ACO2: variants seen among roughly 807,000 people sequenced by gnomAD.
ACO2 encodes aconitase 2.
A neutral mutation model predicts 84.5 loss-of-function variants in ACO2; 31 were observed. The observed-to-expected ratio is 0.37, with a 90% CI of 0.28 to 0.50. ACO2 has a LOEUF of 0.50. Ranked by LOEUF, ACO2 falls within the 20% of genes least tolerant of loss-of-function variation. ACO2 has a pLI of 0.97. For synonymous variants in ACO2, 414 were observed against 412.7 expected, an observed-to-expected ratio of 1.00 and a Z score of -0.04; for missense variants, 685 against 1,029.3, an observed-to-expected ratio of 0.67 and a Z score of 4.58.
chr22:41,483,867 C>G (rs887989793), intron 1 of ACO2, among the ~76,000 whole-genome samples: 2 of 152,080 alleles, frequency 1.3e-5, no homozygotes, highest in African/African-American at 4.8e-5. Context: ...AAGAATCCAA[C>G]TCAAGAGGAG....
At chr22:41,492,844 T>C (rs373162971) in intron 1 of ACO2, among the ~76,000 whole-genome samples, 2 of 152,310 alleles carry the variant, frequency 1.3e-5, no homozygotes, top group South Asian at 2.1e-4. Flanking sequence ...CTCAGGAGGC[T>C]GAGGCGGAAG....
chr22:41,484,627 T>TATTC (rs2038129530), intron 1 of ACO2, among the ~76,000 whole-genome samples: 2 of 152,026 alleles, frequency 1.3e-5, no homozygotes, highest in African/African-American at 4.8e-5. Flanking sequence ...TCCTCCTGCC[T>TATTC]CAGCCTCTCA....
chr22:41,518,644 A>T (rs2066494894), intron 8 of ACO2, 72 bp downstream of exon 8: 6 of 1,207,546 alleles, frequency 5.0e-6, no homozygotes, highest in South Asian at 3.6e-5. Context: ...CTGCCTAAAT[A>T]CTCACTGAGG....
At chr22:41,492,883 G>T (rs2066282508) in intron 1 of ACO2, among the ~76,000 whole-genome samples, 1 of 152,184 alleles carries the variant, frequency 6.6e-6, no homozygotes, top group Non-Finnish European at 1.5e-5. Flanking sequence ...GGCGGAGGTT[G>T]CAGTGAGACG....
At chr22:41,476,156 C>G (rs1269650088) in intron 1 of ACO2, among the ~76,000 whole-genome samples, 1 of 152,092 alleles carries the variant, frequency 6.6e-6, no homozygotes, top group African/African-American at 2.4e-5. Context: ...GCCTGTAATC[C>G]CAGCACTTTG....
intron 2 of ACO2, among the ~76,000 whole-genome samples, 156 bp downstream of exon 2, chr22:41,500,018 C>T (rs1220789698): frequency 6.6e-6 from 1 of 152,128 alleles, no homozygotes; most frequent in African/African-American, 2.4e-5. Context: ...AAAGGCATTC[C>T]AGATCAGTGG....
chr22:41,509,025 G>A (rs977659830), intron 3 of ACO2, among the ~76,000 whole-genome samples: 7 of 152,182 alleles, frequency 4.6e-5, no homozygotes, highest in African/African-American at 1.7e-4. Flanking sequence ...CTCCACAGTG[G>A]CTCTTTCCCC....
chr22:41,521,752 A>G (rs1343333649), intron 9 of ACO2, among the ~76,000 whole-genome samples: 2 of 151,700 alleles, frequency 1.3e-5, no homozygotes. Context: ...GGCTGGTTAT[A>G]TGGGCTTTTG....
intron 1 of ACO2, among the ~76,000 whole-genome samples, chr22:41,473,160 G>A (rs1330461561): frequency 6.6e-6 from 1 of 152,104 alleles, no homozygotes; most frequent in Non-Finnish European, 1.5e-5. Context: ...ACCATCCTGA[G>A]GATTAAGGGA....
intron 2 of ACO2, among the ~76,000 whole-genome samples, chr22:41,507,043 C>G (rs1228359980): frequency 6.6e-6 from 1 of 151,278 alleles, no homozygotes; most frequent in Non-Finnish European, 1.5e-5. Context: ...GACCCCAGGG[C>G]AGGTTTGGAC....
Position 41,508,069 on chromosome 22 carries a change from G to C in ACO2, c.432+20G>C. 6.3e-7 allele frequency: 1 copy of C among 1,599,108 alleles called. No homozygotes were observed. The highest frequency in any genetic ancestry group is 1.1e-5 in the South Asian group (1 of 89,894). ...GCCAAGGTGAGCAGAAGGTGGCTTTGGGGGTGGGCAAGTGGGCAAGACTGG... is the reference window on the plus strand; with the variant it reads ...GCCAAGGTGAGCAGAAGGTGGCTTTCGGGGTGGGCAAGTGGGCAAGACTGG... On this transcript the variant is annotated intron_variant, in intron 3 of 17. Coordinates refer to ENST00000216254, the MANE Select transcript of ACO2 (RefSeq NM_001098.3).
At chr22:41,474,684 C>T (rs1226221543) in intron 1 of ACO2, among the ~76,000 whole-genome samples, 11 of 137,392 alleles carry the variant, frequency 8.0e-5, no homozygotes, top group Middle Eastern at 5.1e-3. Flanking sequence ...CTGCAAGCTC[C>T]GCCTCCCAGG....
In ACO2 at chr22:41,515,304, C is replaced by CG; in HGVS notation, c.526-70dup. ...GTGGCTGGACGTGGTTGGGAGGCCCCGGGTCAGTGGGGCCATTTTTTGGTA... is the reference window on the plus strand; with the variant it reads ...GTGGCTGGACGTGGTTGGGAGGCCCCGGGGTCAGTGGGGCCATTTTTTGGTA... On this transcript the variant is annotated intron_variant, in intron 4 of 17. Transcript: ENST00000216254. The surrounding 1 kb of genome is among the most constrained non-coding windows in gnomAD (Gnocchi z 5.8). The CG allele has an allele frequency of 6.3e-7, 1 of 1,584,846 alleles. No individual in the cohort carries two copies. The highest frequency in any genetic ancestry group is 2.3e-4 in the Middle Eastern group (1 of 4,350).
intron 1 of ACO2, among the ~76,000 whole-genome samples, chr22:41,477,311 G>C (rs1405217049): frequency 6.6e-6 from 1 of 151,112 alleles, no homozygotes; most frequent in African/African-American, 2.4e-5. Context: ...CCGCCACCAC[G>C]CCCAGCTAAT....
rs781334712 is a variant in ACO2 at position 41,511,859 on chromosome 22, T to C, written c.433-17T>C. 1.1e-5 allele frequency: 17 copies of C among 1,588,532 alleles called. No homozygotes were observed. The Admixed American group carries it at 1.2e-4, about 11-fold the overall frequency. On this transcript the variant is annotated splice_polypyrimidine_tract_variant and intron_variant, in intron 3 of 17. Coordinates refer to ENST00000216254, the MANE Select transcript of ACO2 (RefSeq NM_001098.3). ...AAACCATGTTGCTAACGCCCAATTATTGATTTGTCTCAATAGGACATCAAC... is the reference window on the plus strand; with the variant it reads ...AAACCATGTTGCTAACGCCCAATTACTGATTTGTCTCAATAGGACATCAAC...
chr22:41,520,052 A>T, intron 8 of ACO2, 119 bp from the exon 9 acceptor site: 1 of 798,144 alleles, frequency 1.3e-6, no homozygotes, highest in Non-Finnish European at 2.0e-6. Context: ...ATGAGGTTTC[A>T]GTCAAGAGAA....
chr22:41,513,920 A>ATGTGGGCCACAAGTGTCTACACCG (rs1569016434), intron 4 of ACO2, among the ~76,000 whole-genome samples: 10 of 151,474 alleles, frequency 6.6e-5, no homozygotes, highest in Non-Finnish European at 1.0e-4. Context: ...CTCCCCCTGG[A>ATGTGGGCCACAAGTGTCTACACCG]TGTGGACCAC....
rs545382823 is a variant in ACO2 at position 41,511,774 on chromosome 22, T to A, written c.433-102T>A. The A allele has an allele frequency of 4.9e-5, 38 of 776,208 alleles. No homozygotes were observed. In the East Asian group the frequency reaches 1.1e-3, roughly 23 times the overall value. The allele number at this position is 776,208 out of a possible 1,614,324, so 48.1% of individuals were successfully genotyped here. A position where few individuals can be genotyped will look rare whatever the true frequency, so the allele number is the denominator to read the frequency against. On this transcript the variant is annotated intron_variant, in intron 3 of 17. Transcript: ENST00000216254. ...GAGGGCCTGTCTCCAGTGCCAGTAT[T>A]TCAGAGTCAGAAGGGAGGCTGATGG...
At chr22:41,473,916 G>T (rs982915489) in intron 1 of ACO2, among the ~76,000 whole-genome samples, 3 of 152,174 alleles carry the variant, frequency 2.0e-5, no homozygotes, top group Admixed American at 6.5e-5. Flanking sequence ...TGAACAAGAG[G>T]CTGGGGCTAG....
Sources: allele counts gnomAD v4.1 joint callset (sites outside exome capture counted in the v4.1 genomes callset), GRCh38; gene constraint gnomAD v4.1.1; non-coding constraint Gnocchi (gnomAD v3.1); transcripts MANE v1.5; gene names NCBI Gene and HGNC (gene_info 2026-07-23, HGNC 2026-07-21).